The following PLCXD3 variants were observed in gnomAD, a reference collection of about 807,000 sequenced individuals.
PLCXD3 encodes the protein phosphatidylinositol specific phospholipase C X domain containing 3.
Under a neutral mutation model 25.5 loss-of-function variants are expected in PLCXD3, and 19 were observed. The ratio of observed to expected loss-of-function variants is 0.75; its 90% CI spans 0.52 to 1.09. The LOEUF (loss-of-function observed/expected upper bound fraction) is 1.09, where lower values mean the gene tolerates loss of function less well. Ranked by LOEUF, PLCXD3 falls within the 50% of genes least tolerant of loss-of-function variation. The pLI, the probability that PLCXD3 is intolerant of heterozygous loss-of-function variation, is 0.00. For missense variants in PLCXD3, 411 were observed against 388.1 expected (o/e 1.06, Z -0.50); for synonymous variants, 174 against 137.6 (o/e 1.26, Z -1.85).
intron 1 of PLCXD3, among the ~76,000 whole-genome samples, chr5:41,438,339 C>A (rs1037660871): frequency 6.6e-6 from 1 of 152,130 alleles, no homozygotes; most frequent in African/African-American, 2.4e-5. Flanking sequence ...GGGTCCCCTG[C>A]GAAACCCCAC....
chr5:41,414,997 A>G (rs974803096), intron 1 of PLCXD3, among the ~76,000 whole-genome samples: 2 of 152,156 alleles, frequency 1.3e-5, no homozygotes, highest in Non-Finnish European at 2.9e-5. Flanking sequence ...TTAATTTCTT[A>G]TTGTGTCTCA....
intron 1 of PLCXD3, among the ~76,000 whole-genome samples, chr5:41,437,042 T>C (rs1446501758): frequency 1.3e-5 from 2 of 152,218 alleles, no homozygotes; most frequent in Non-Finnish European, 2.9e-5. Context: ...AAATCTGAAC[T>C]TGTGATTGAA....
intron 2 of PLCXD3, 129 bp from the exon 3 acceptor site, chr5:41,313,899 G>T: frequency 9.2e-7 from 1 of 1,092,124 alleles, no homozygotes; most frequent in Non-Finnish European, 1.3e-6. Context: ...ACAGGAAGGG[G>T]AAAAGGCCAA....
intron 1 of PLCXD3, among the ~76,000 whole-genome samples, chr5:41,498,339 G>A (rs1156327469): frequency 6.6e-6 from 1 of 151,144 alleles, no homozygotes; most frequent in Non-Finnish European, 1.5e-5. Context: ...TGAAAGAGAA[G>A]ACATTACAAC....
At chr5:41,355,853 C>T (rs1024988357) in intron 2 of PLCXD3, among the ~76,000 whole-genome samples, 4 of 152,152 alleles carry the variant, frequency 2.6e-5, no homozygotes, top group African/African-American at 9.7e-5. Flanking sequence ...AAAATAACTT[C>T]TGCTCACCAC....
chr5:41,345,013 A>T (rs1272547962), intron 2 of PLCXD3, among the ~76,000 whole-genome samples: 1 of 152,166 alleles, frequency 6.6e-6, no homozygotes, highest in Non-Finnish European at 1.5e-5. Flanking sequence ...ATAATTACAA[A>T]CTGGTTCTAT....
intron 1 of PLCXD3, among the ~76,000 whole-genome samples, chr5:41,468,340 G>A (rs139956326): frequency 6.6e-6 from 1 of 152,022 alleles, no homozygotes; most frequent in Non-Finnish European, 1.5e-5. Context: ...TTTTGCTTAA[G>A]ATTGGTTTGG....
At chr5:41,470,204 AT>A (rs1304611011) in intron 1 of PLCXD3, among the ~76,000 whole-genome samples, 1 of 152,226 alleles carries the variant, frequency 6.6e-6, no homozygotes, top group Non-Finnish European at 1.5e-5. Context: ...AAGAATTATG[AT>A]ATTTTGAAAG....
At chr5:41,414,758 C>T (rs906574491) in intron 1 of PLCXD3, among the ~76,000 whole-genome samples, 1 of 152,170 alleles carries the variant, frequency 6.6e-6, no homozygotes, top group Non-Finnish European at 1.5e-5. Flanking sequence ...ATGATGAAAT[C>T]TCCTGCTGTC....
chr5:41,449,593 T>C (rs928611632), intron 1 of PLCXD3, among the ~76,000 whole-genome samples: 4 of 151,992 alleles, frequency 2.6e-5, no homozygotes, highest in African/African-American at 9.7e-5. Flanking sequence ...GGCAGTGAGA[T>C]AGGGAAGGGA....
chr5:41,489,529 A>G (rs374005259), intron 1 of PLCXD3, among the ~76,000 whole-genome samples: 2 of 152,142 alleles, frequency 1.3e-5, no homozygotes, highest in Non-Finnish European at 2.9e-5. Context: ...GCAGTATGGC[A>G]ATTTTCACAA....
intron 1 of PLCXD3, among the ~76,000 whole-genome samples, chr5:41,388,332 CAT>C (rs946842948): frequency 3.3e-5 from 5 of 152,048 alleles, no homozygotes; most frequent in Non-Finnish European, 5.9e-5. Flanking sequence ...GGAAGGAAAA[CAT>C]GTGCACTTCT....
At chr5:41,436,509 T>C (rs1747258381) in intron 1 of PLCXD3, among the ~76,000 whole-genome samples, 1 of 152,184 alleles carries the variant, frequency 6.6e-6, no homozygotes. Context: ...TGTTAGCTGT[T>C]GCTATTGCTG....
intron 1 of PLCXD3, among the ~76,000 whole-genome samples, chr5:41,389,957 A>G (rs1482831493): frequency 1.3e-5 from 2 of 152,186 alleles, no homozygotes; most frequent in Non-Finnish European, 2.9e-5. Context: ...AAGATACAGC[A>G]CATTTCCACC....
At chr5:41,426,361 A>T (rs935251946) in intron 1 of PLCXD3, among the ~76,000 whole-genome samples, 7 of 151,980 alleles carry the variant, frequency 4.6e-5, no homozygotes, top group African/African-American at 1.7e-4. Flanking sequence ...ATTTATTCTT[A>T]CCATCTCATT....
intron 1 of PLCXD3, among the ~76,000 whole-genome samples, chr5:41,444,617 A>G (rs1043324182): frequency 1.3e-5 from 2 of 152,192 alleles, no homozygotes; most frequent in African/African-American, 2.4e-5. Context: ...AAAGCTAATA[A>G]TACATGAATT....
Position 41,312,097 on chromosome 5 carries a change from T to A in PLCXD3, c.*1520A>T, listed in dbSNP as rs955531843. On this transcript the variant is annotated 3_prime_UTR_variant, in exon 3 of 3. Transcript: ENST00000377801. ...CAAGGATTATTGTGCTCTAAGTTTT[T>A]TTTTTTTATTTTTTAGAGTTGTCAA... 1.3e-5 allele frequency: 2 copies of A among 152,442 alleles called. No homozygotes were observed. Among genetic ancestry groups the A allele is most frequent in the African/African-American group, 2.4e-5 (1 of 41,380 alleles). The allele number at this position is 152,442 out of a possible 1,614,324, so 9.4% of individuals were successfully genotyped here.
chr5:41,475,676 G>A (rs1208408587), intron 1 of PLCXD3: 1 of 534,730 alleles, frequency 1.9e-6, no homozygotes, highest in South Asian at 1.4e-5. Flanking sequence ...GTGGCTGTCT[G>A]CCACAAGTAC....
chr5:41,424,662 ACTTC>A (rs1256941023), intron 1 of PLCXD3, among the ~76,000 whole-genome samples: 1 of 151,950 alleles, frequency 6.6e-6, no homozygotes, highest in East Asian at 1.9e-4. Context: ...GCAATTTTTG[ACTTC>A]CTTCATTTTT....
Sources: gnomAD v4.1 joint callset for allele counts (sites outside exome capture counted in the v4.1 genomes callset) on GRCh38, gnomAD v4.1.1 for gene constraint, MANE v1.5 for transcripts, NCBI Gene and HGNC (gene_info 2026-07-23, HGNC 2026-07-21) for gene names.